DGKB: variants seen among roughly 807,000 people sequenced by gnomAD.
DGKB encodes diacylglycerol kinase beta, also known as 90 kDa diacylglycerol kinase.
In DGKB, 67 loss-of-function variants were observed where a neutral mutation model predicts 114.3. The observed-to-expected ratio is 0.59, with a 90% CI of 0.48 to 0.72. The LOEUF (loss-of-function observed/expected upper bound fraction) is 0.72. DGKB is among the 30% of genes least tolerant of loss of function. DGKB has a pLI of 0.00. For synonymous variants in DGKB, 398 were observed against 323.1 expected (o/e 1.23, Z -2.49); for missense variants, 907 against 975.2 (o/e 0.93, Z 0.93).
intron 1 of DGKB, among the ~76,000 whole-genome samples, chr7:14,910,242 AAAAGAAAGAAAG>A (rs61063816): frequency 0.18 from 19,935 of 109,564 alleles, 1,981 homozygotes; most frequent in Middle Eastern, 0.22. Context: ...CTCCATCAAA[AAAAGAAAGAAAG>A]AAAGAAAGAA....
At chr7:14,584,616 A>G (rs1481623817) in intron 17 of DGKB, among the ~76,000 whole-genome samples, 1 of 152,082 alleles carries the variant, frequency 6.6e-6, no homozygotes, top group African/African-American at 2.4e-5. Context: ...AAGAACACTC[A>G]AAGATGTGCC....
intron 20 of DGKB, among the ~76,000 whole-genome samples, chr7:14,527,540 G>C (rs894625860): frequency 6.6e-6 from 1 of 151,982 alleles, no homozygotes; most frequent in Non-Finnish European, 1.5e-5. Context: ...ATTAGAGTTA[G>C]AATGGATTTC....
intron 2 of DGKB, among the ~76,000 whole-genome samples, chr7:14,765,638 C>A (rs1836337765): frequency 6.6e-6 from 1 of 151,878 alleles, no homozygotes; most frequent in African/African-American, 2.4e-5. Flanking sequence ...CAAATATCTG[C>A]TAATTTAGCC....
rs151128633 is a variant in DGKB at position 14,531,858 on chromosome 7, A to C, written c.1770+42354T>G. On this transcript the variant is annotated intron_variant, in intron 20 of 25. Transcript: ENST00000402815. ...CATATAAATAAATGAAAAATTAAAG[A>C]AAAAATACTCAATATTTATGGTCAA... is the stretch of plus-strand genomic sequence containing the variant. 1.5e-3 allele frequency among the ~76,000 whole-genome samples: 226 copies of C among 151,484 alleles called. 4 individuals carry two copies. Among genetic ancestry groups the C allele is most frequent in the East Asian group, 0.013 (65 of 5,176 alleles).
Position 14,474,684 on chromosome 7 carries a change from CTAAA to C in DGKB, c.1835+3473_1835+3476del, listed in dbSNP as rs1440510388. Among the ~76,000 whole-genome samples, 4 of 151,864 alleles carry C rather than the reference CTAAA, an allele frequency of 2.6e-5. No individual in the cohort carries two copies. In the South Asian group the frequency reaches 6.2e-4, roughly 24 times the overall value. ...AAAGGAAGTATTTAAAGTCATCTCT[CTAAA>C]TAGCACCATGAGAAGTATTATGTAT... On this transcript the variant is annotated intron_variant, in intron 21 of 25. Transcript: ENST00000402815.
At chr7:14,303,524 C>T (rs1407125114) in intron 23 of DGKB, among the ~76,000 whole-genome samples, 7 of 151,886 alleles carry the variant, frequency 4.6e-5, no homozygotes, top group Non-Finnish European at 1.0e-4. Flanking sequence ...TATCTGAATA[C>T]TAATTTATTT....
intron 23 of DGKB, among the ~76,000 whole-genome samples, chr7:14,275,582 GC>G (rs1274038129): frequency 6.6e-6 from 1 of 152,112 alleles, no homozygotes; most frequent in African/African-American, 2.4e-5. Context: ...TTTTAATAGC[GC>G]CAATTCACAT....
chr7:14,877,922 T>C (rs1168951711), intron 1 of DGKB, among the ~76,000 whole-genome samples: 1 of 152,188 alleles, frequency 6.6e-6, no homozygotes, highest in Admixed American at 6.5e-5. Flanking sequence ...TTATAAATTT[T>C]TTATATCTTT....
intron 3 of DGKB, among the ~76,000 whole-genome samples, chr7:14,756,744 CA>C (rs140708663): frequency 8.7e-4 from 126 of 144,180 alleles, no homozygotes; most frequent in Middle Eastern, 7.2e-3. Context: ...TGCAAACATA[CA>C]AAAAAAAAAC....
At chr7:14,338,339 T>C (rs953268114) in intron 23 of DGKB, among the ~76,000 whole-genome samples, 176 bp downstream of exon 23, 25 of 152,152 alleles carry the variant, frequency 1.6e-4, no homozygotes, top group Admixed American at 1.3e-3. Flanking sequence ...CAATTTATAC[T>C]TGAGTTAGAA....
chr7:14,570,650 A>T (rs1280398626), intron 20 of DGKB, among the ~76,000 whole-genome samples: 2 of 152,122 alleles, frequency 1.3e-5, no homozygotes, highest in African/African-American at 2.4e-5. Flanking sequence ...TATATATACT[A>T]TTCATTAACT....
intron 1 of DGKB, among the ~76,000 whole-genome samples, chr7:14,887,623 G>T (rs1296151683): frequency 6.6e-6 from 1 of 151,636 alleles, no homozygotes; most frequent in Non-Finnish European, 1.5e-5. Flanking sequence ...AATATATTAT[G>T]TCGATAGAGG....
At chr7:14,649,328 G>A (rs1813893034) in intron 13 of DGKB, among the ~76,000 whole-genome samples, 1 of 151,652 alleles carries the variant, frequency 6.6e-6, no homozygotes, top group Non-Finnish European at 1.5e-5. Flanking sequence ...AGAAGACAGT[G>A]GGGACCAATA....
chr7:14,594,260 C>T (rs7810871), intron 17 of DGKB, among the ~76,000 whole-genome samples: 87,089 of 151,838 alleles, frequency 0.57, 26,103 homozygotes, highest in African/African-American at 0.76. Context: ...GCTACAAATA[C>T]GCAGTAAAAT....
chr7:14,833,221 A>G (rs934634554), intron 2 of DGKB, among the ~76,000 whole-genome samples: 1 of 152,072 alleles, frequency 6.6e-6, no homozygotes, highest in African/African-American at 2.4e-5. Context: ...TAATCTCCTA[A>G]TAGGTTTTTA....
intron 13 of DGKB, among the ~76,000 whole-genome samples, chr7:14,648,059 G>T (rs1402341774): frequency 1.3e-5 from 2 of 152,182 alleles, no homozygotes; most frequent in Non-Finnish European, 2.9e-5. Flanking sequence ...GCGGCAGCGA[G>T]GCTGGGGGAG....
intron 21 of DGKB, among the ~76,000 whole-genome samples, chr7:14,437,343 C>G (rs1349935779): frequency 6.6e-6 from 1 of 151,994 alleles, no homozygotes; most frequent in Non-Finnish European, 1.5e-5. Flanking sequence ...CATTAAATCT[C>G]TTTGATAATT....
At chr7:14,684,092 C>A (rs554759590) in intron 10 of DGKB, among the ~76,000 whole-genome samples, 25 of 152,056 alleles carry the variant, frequency 1.6e-4, no homozygotes, top group Non-Finnish European at 7.4e-5. Flanking sequence ...AACTTTCAAA[C>A]GTAGCTGTCA....
chr7:14,885,476 TAGAC>T (rs1357948887), intron 1 of DGKB, among the ~76,000 whole-genome samples: 1 of 151,722 alleles, frequency 6.6e-6, no homozygotes, highest in Non-Finnish European at 1.5e-5. Context: ...TGGAAGAAAT[TAGAC>T]AGGAAGAAAC....
Sources: gnomAD v4.1 joint callset for allele counts (sites outside exome capture counted in the v4.1 genomes callset) on GRCh38, gnomAD v4.1.1 for gene constraint, MANE v1.5 for transcripts, NCBI Gene and HGNC (gene_info 2026-07-23, HGNC 2026-07-21) for gene names.